The following ZNF804A variants were observed in gnomAD, a reference collection of about 807,000 sequenced individuals.
ZNF804A encodes the protein zinc finger protein 804A.
In ZNF804A, 2 loss-of-function variants were observed where a neutral mutation model predicts 16.5. The observed-to-expected ratio is 0.12, with a 90% CI of 0.05 to 0.38. The LOEUF (loss-of-function observed/expected upper bound fraction) is 0.38. ZNF804A is among the 10% of genes least tolerant of loss of function. The probability of loss-of-function intolerance (pLI) is 0.99; values close to 1 mark genes in which losing one functional copy is unlikely to be tolerated. For synonymous variants in ZNF804A, 534 were observed against 489.6 expected, an observed-to-expected ratio of 1.09 and a Z score of -1.20; for missense variants, 1,473 against 1,390.7, an observed-to-expected ratio of 1.06 and a Z score of -0.94.
chr2:184,839,329 A>G (rs1695400299), intron 1 of ZNF804A, among the ~76,000 whole-genome samples: 1 of 152,110 alleles, frequency 6.6e-6, no homozygotes, highest in Non-Finnish European at 1.5e-5. Flanking sequence ...GTATCATATC[A>G]TTACATTAAA....
intron 1 of ZNF804A, among the ~76,000 whole-genome samples, chr2:184,764,545 G>A (rs1408586014): frequency 1.3e-5 from 2 of 152,124 alleles, no homozygotes; most frequent in Admixed American, 6.5e-5. Flanking sequence ...TGCCCCTTCT[G>A]TGACACCTAG....
At chr2:184,893,688 T>C (rs1358696700) in intron 2 of ZNF804A, among the ~76,000 whole-genome samples, 1 of 152,150 alleles carries the variant, frequency 6.6e-6, no homozygotes, top group East Asian at 1.9e-4. Flanking sequence ...CTATGTGGAG[T>C]ACACAACATT....
chr2:184,747,347 T>C lies in ZNF804A; in HGVS notation c.112-119022T>C, dbSNP rs1168133625. Among the ~76,000 whole-genome samples, 11 of 116,084 alleles carry C rather than the reference T, an allele frequency of 9.5e-5. No individual in the cohort carries two copies. The South Asian group carries it at 3.0e-3, about 32-fold the overall frequency. The allele number at this position is 116,084 out of a possible 152,430, so 76.2% of individuals were successfully genotyped here. A position where few individuals can be genotyped will look rare whatever the true frequency, so the allele number is the denominator to read the frequency against. On this transcript the variant is annotated intron_variant, in intron 1 of 3. Coordinates refer to ENST00000302277, the MANE Select transcript of ZNF804A (RefSeq NM_194250.2). ...AAAAAAAAAAAAAAAAAAAAAGAAA[T>C]GTTTGAAATAAATAAACAACTTGTA... is the stretch of plus-strand genomic sequence containing the variant.
At chr2:184,685,646 A>G (rs1443621172) in intron 1 of ZNF804A, among the ~76,000 whole-genome samples, 1 of 152,110 alleles carries the variant, frequency 6.6e-6, no homozygotes, top group Non-Finnish European at 1.5e-5. Flanking sequence ...TGGAGTTTCT[A>G]TGGGCTCAGA....
At chr2:184,928,392 C>T (rs1309635625) in intron 2 of ZNF804A, among the ~76,000 whole-genome samples, 2 of 152,050 alleles carry the variant, frequency 1.3e-5, no homozygotes, top group Non-Finnish European at 1.5e-5. Flanking sequence ...TCTCTCCTCT[C>T]CTCCTCTCCC....
At chr2:184,825,205 GT>G (rs1695142800) in intron 1 of ZNF804A, among the ~76,000 whole-genome samples, 1 of 152,050 alleles carries the variant, frequency 6.6e-6, no homozygotes, top group Non-Finnish European at 1.5e-5. Flanking sequence ...CAAATAGGTA[GT>G]CACAAAATAT....
At chr2:184,923,210 TC>T (rs1393463732) in intron 2 of ZNF804A, among the ~76,000 whole-genome samples, 9 of 151,974 alleles carry the variant, frequency 5.9e-5, no homozygotes, top group Non-Finnish European at 1.3e-4. Context: ...CTTTTTGGAG[TC>T]CTCTTCAATT....
chr2:184,673,264 A>G (rs1692366977), intron 1 of ZNF804A, among the ~76,000 whole-genome samples: 1 of 152,172 alleles, frequency 6.6e-6, no homozygotes, highest in African/African-American at 2.4e-5. Flanking sequence ...TTGATATTCA[A>G]ATGTGTTTAA....
chr2:184,685,530 T>C (rs1380971523), intron 1 of ZNF804A, among the ~76,000 whole-genome samples: 1 of 152,028 alleles, frequency 6.6e-6, no homozygotes, highest in Admixed American at 6.6e-5. Flanking sequence ...AATTGGAGCA[T>C]GAGCAAGGCA....
chr2:184,781,752 A>C (rs1694375260), intron 1 of ZNF804A, among the ~76,000 whole-genome samples: 2 of 151,338 alleles, frequency 1.3e-5, no homozygotes, highest in Non-Finnish European at 1.5e-5. Flanking sequence ...ATCTTTGTGC[A>C]AGAGAAAACA....
At chr2:184,813,726 G>A (rs1694933704) in intron 1 of ZNF804A, among the ~76,000 whole-genome samples, 1 of 151,966 alleles carries the variant, frequency 6.6e-6, no homozygotes, top group Admixed American at 6.6e-5. Context: ...TATATGACAT[G>A]TGCCTGCCAC....
intron 1 of ZNF804A, among the ~76,000 whole-genome samples, chr2:184,642,551 T>C (rs1482325717): frequency 6.6e-6 from 1 of 152,164 alleles, no homozygotes; most frequent in East Asian, 1.9e-4. Flanking sequence ...GAAAAAGAAC[T>C]ATAGAAGTAA....
At chr2:184,697,589 G>A (rs947955491) in intron 1 of ZNF804A, among the ~76,000 whole-genome samples, 1 of 151,918 alleles carries the variant, frequency 6.6e-6, no homozygotes, top group Non-Finnish European at 1.5e-5. Flanking sequence ...GCTAATGAGG[G>A]ATGTTATGAA....
At chr2:184,640,465 A>G (rs973518755) in intron 1 of ZNF804A, among the ~76,000 whole-genome samples, 2 of 152,164 alleles carry the variant, frequency 1.3e-5, no homozygotes, top group South Asian at 4.1e-4. Flanking sequence ...ATTTTAGAAT[A>G]TAAAGGAACA....
chr2:184,629,775 T>C (rs1027466035), intron 1 of ZNF804A, among the ~76,000 whole-genome samples: 3 of 152,162 alleles, frequency 2.0e-5, no homozygotes, highest in Non-Finnish European at 4.4e-5. Context: ...TTGGACTAAA[T>C]AGAAAATGTC....
At chr2:184,902,993 T>C (rs1454605438) in intron 2 of ZNF804A, among the ~76,000 whole-genome samples, 1 of 152,140 alleles carries the variant, frequency 6.6e-6, no homozygotes, top group Non-Finnish European at 1.5e-5. Flanking sequence ...TAGTAAGCAG[T>C]TTCCCTAGAA....
chr2:184,805,399 A>G (rs1266407669), intron 1 of ZNF804A, among the ~76,000 whole-genome samples: 1 of 152,102 alleles, frequency 6.6e-6, no homozygotes, highest in Admixed American at 6.6e-5. Flanking sequence ...AATGTCAGGT[A>G]TTTATGTCTA....
chr2:184,679,067 A>G (rs1692488803), intron 1 of ZNF804A, among the ~76,000 whole-genome samples: 1 of 152,264 alleles, frequency 6.6e-6, no homozygotes, highest in Admixed American at 6.5e-5. Flanking sequence ...AAGACAAAGT[A>G]GTAGAATTCC....
At chr2:184,723,305 C>T (rs182406789) in intron 1 of ZNF804A, among the ~76,000 whole-genome samples, 11 of 151,796 alleles carry the variant, frequency 7.2e-5, no homozygotes, top group South Asian at 4.2e-4. Flanking sequence ...AACAGGCTCG[C>T]GTGTATCACT....
Sources: gnomAD v4.1 joint callset for allele counts (sites outside exome capture counted in the v4.1 genomes callset) on GRCh38, gnomAD v4.1.1 for gene constraint, MANE v1.5 for transcripts, NCBI Gene and HGNC (gene_info 2026-07-23, HGNC 2026-07-21) for gene names.